CABIN1: variants seen among roughly 807,000 people sequenced by gnomAD.
CABIN1 encodes calcineurin binding protein 1.
In CABIN1, 133 loss-of-function variants were observed where a neutral mutation model predicts 227.7. The ratio of observed to expected loss-of-function variants is 0.58; its 90% CI spans 0.51 to 0.67. The LOEUF (loss-of-function observed/expected upper bound fraction) is 0.67. Among genes scored for constraint, CABIN1 ranks in the 30% least tolerant of loss-of-function variants. The pLI is 0.00. For synonymous variants in CABIN1, 1,086 were observed against 1,155.1 expected (o/e 0.94, Z 1.21); for missense variants, 2,408 against 2,852.5 (o/e 0.84, Z 3.55).
chr22:24,064,684 C>T (rs560238499), intron 15 of CABIN1, among the ~76,000 whole-genome samples: 1 of 151,666 alleles, frequency 6.6e-6, no homozygotes, highest in Non-Finnish European at 1.5e-5. Flanking sequence ...TGTTTGTGTC[C>T]CTGGGTACTT....
chr22:24,156,495 G>A (rs1362450059), intron 29 of CABIN1: 2 of 167,244 alleles, frequency 1.2e-5, no homozygotes, highest in Non-Finnish European at 2.6e-5. Context: ...CGTGCGCTGC[G>A]CGAAAGCGAA....
intron 33 of CABIN1, among the ~76,000 whole-genome samples, chr22:24,169,434 C>G (rs1331480798): frequency 1.3e-5 from 2 of 152,180 alleles, no homozygotes; most frequent in African/African-American, 2.4e-5. Context: ...AGGCCCCCAC[C>G]ACCTGCCTGG....
intron 33 of CABIN1, among the ~76,000 whole-genome samples, chr22:24,169,871 C>T (rs2046688246): frequency 6.6e-6 from 1 of 152,248 alleles, no homozygotes; most frequent in South Asian, 2.1e-4. Flanking sequence ...CAGGGCTGGG[C>T]CAGACCCCAT....
intron 16 of CABIN1, among the ~76,000 whole-genome samples, chr22:24,070,290 TG>T (rs2039994217): frequency 6.6e-6 from 1 of 152,234 alleles, no homozygotes; most frequent in African/African-American, 2.4e-5. Context: ...TCAGGGCACC[TG>T]GGGAGGAGGA....
chr22:24,157,329 G>A (rs1362015307), intron 29 of CABIN1, among the ~76,000 whole-genome samples: 1 of 152,174 alleles, frequency 6.6e-6, no homozygotes, highest in Non-Finnish European at 1.5e-5. Context: ...ACTCAGTCCT[G>A]CCTCTAAAGG....
At chr22:24,055,260 C>T in intron 9 of CABIN1, 101 bp downstream of exon 9, 1 of 1,333,140 alleles carries the variant, frequency 7.5e-7, no homozygotes, top group Non-Finnish European at 1.0e-6. Flanking sequence ...ACAGAAGGGT[C>T]ATGCTGATGC....
chr22:24,133,630 G>A (rs2044210261), intron 28 of CABIN1, among the ~76,000 whole-genome samples: 1 of 152,242 alleles, frequency 6.6e-6, no homozygotes, highest in Non-Finnish European at 1.5e-5. Flanking sequence ...TGGTCCTGAG[G>A]TGGAGTGAGA....
rs2046834938 is a variant in CABIN1, at chr22:24,171,907, A to G, written c.5952A>G (p.Ser1984=). The G allele has an allele frequency of 4.3e-6, 7 of 1,613,888 alleles. No individual in the cohort carries two copies. The highest frequency in any genetic ancestry group is 5.1e-6 in the Non-Finnish European group (6 of 1,180,042). Residue 1984 remains serine (S), a synonymous_variant, in exon 34 of 37, where the codon TCA becomes TCG. Transcript: ENST00000263119. ...TTATCACCTGCCCTCCGTCAGCATC[A>G]GCTTCCACCCTGGACCAGTCCAAGG... ...TTIITCPPSA[S]ASTLDQSKDP... is the part of the protein sequence containing the mutation.
intron 33 of CABIN1, chr22:24,170,122 T>C (rs749050209): frequency 3.7e-5 from 17 of 457,626 alleles, no homozygotes; most frequent in South Asian, 2.6e-4. Flanking sequence ...ACCTGCCTGC[T>C]TCCCAGACCC....
chr22:24,080,756 G>A (rs1213639770), intron 19 of CABIN1, among the ~76,000 whole-genome samples: 1 of 152,152 alleles, frequency 6.6e-6, no homozygotes, highest in Non-Finnish European at 1.5e-5. Context: ...TGAGCATGCA[G>A]GAGCACTAGT....
At position 24,070,983 on chromosome 22, in the gene CABIN1, A is replaced by G; in HGVS notation, c.2416A>G (p.Ile806Val). The G allele has an allele frequency of 6.2e-7, 1 of 1,614,230 alleles. No homozygotes were observed. The highest frequency in any genetic ancestry group is 1.7e-5 in the Admixed American group (1 of 60,032). ...CCTCTCTGCGGACAGCAGTGGTAGC[A>G]TCCTGAAGGTATCATCCTCCACCAC... ...QALSADSSGSILKVSSSTTGL... is the reference protein window; with the variant it reads ...QALSADSSGSVLKVSSSTTGL... Residue 806 changes from isoleucine to valine, a missense_variant, in exon 17 of 37, where the codon ATC becomes GTC. Around this residue, in one of 3 missense-constraint regions of CABIN1, gnomAD observed 1,045 missense variants for 1,168.4 expected, o/e 0.89. Coordinates refer to ENST00000263119, the MANE Select transcript of CABIN1 (RefSeq NM_012295.4).
At chr22:24,055,198 C>T (rs374409225) in intron 9 of CABIN1, 39 bp downstream of exon 9, 29 of 1,599,938 alleles carry the variant, frequency 1.8e-5, no homozygotes, top group East Asian at 1.8e-4. Flanking sequence ...GGGGAGACCC[C>T]GTTCACTGAG....
rs576178987 is a variant in CABIN1 at position 24,088,886 on chromosome 22, G to A, written c.3525+1173G>A. The stretch of plus-strand genomic sequence containing the variant: ...TTGAGTTCTATCCATGATAATTCCT[G>A]TGGATCTAGTACATTCCTTTTAACT... On this transcript the variant is annotated intron_variant, in intron 23 of 36. Coordinates refer to ENST00000263119, the MANE Select transcript of CABIN1 (RefSeq NM_012295.4). Among the ~76,000 whole-genome samples, 28 of 152,248 alleles carry A rather than the reference G, an allele frequency of 1.8e-4. No individual in the cohort carries two copies. The East Asian group carries it at 5.0e-3, about 27-fold the overall frequency.
intron 28 of CABIN1, 75 bp downstream of exon 28, chr22:24,119,773 G>C (rs960076042): frequency 7.4e-7 from 1 of 1,358,082 alleles, no homozygotes; most frequent in African/African-American, 1.4e-5. Context: ...GGTGGGCAGA[G>C]CTAAGACAGA....
chr22:24,137,765 A>G (rs776663038), intron 29 of CABIN1, among the ~76,000 whole-genome samples: 11 of 152,018 alleles, frequency 7.2e-5, no homozygotes, highest in African/African-American at 1.5e-4. Flanking sequence ...AAATGAGTCT[A>G]TCTGGCATAT....
rs754379961 is a variant in CABIN1 at position 24,177,555 on chromosome 22, C to A, written c.6257C>A (p.Ala2086Glu). The change falls in exon 36 of 37, where the codon GCG becomes GAG. Residue 2086 changes from alanine (A) to glutamate (E), a missense_variant. Around this residue, in one of 3 missense-constraint regions of CABIN1, gnomAD observed 714 missense variants for 773.8 expected, o/e 0.92. Transcript: ENST00000263119. This position sits in a 1 kb window ranked among gnomAD's most constrained non-coding sequence, Gnocchi z 4.4. ...PRRDGEAQEAASETQPLSSPP... is the reference protein window; with the variant it reads ...PRRDGEAQEAESETQPLSSPP... ...AGGGATGGGGAGGCTCAGGAGGCTG[C>A]GAGTGAGACTCAGCCCCTGAGCTCT... The A allele has an allele frequency of 1.3e-6, 2 of 1,579,792 alleles. No homozygotes were observed.
At position 24,105,992 on chromosome 22, in the gene CABIN1, G is replaced by A. The variant is rs139088647; in HGVS notation, c.4118-7574G>A. ...AGGGCCACAGGATCCCAAAGATCCT[G>A]TGGAGGAGGTAGGACTGGAGCCAGG... is the stretch of plus-strand genomic sequence containing the variant. On this transcript the variant is annotated intron_variant, in intron 26 of 36. Transcript: ENST00000263119. Among the ~76,000 whole-genome samples the A allele has an allele frequency of 2.7e-3, 411 of 152,338 alleles. 2 individuals are homozygous for A. The highest frequency in any genetic ancestry group is 4.7e-3 in the Non-Finnish European group (319 of 68,020).
chr22:24,138,738 A>T (rs571073493), intron 29 of CABIN1, among the ~76,000 whole-genome samples: 3 of 152,348 alleles, frequency 2.0e-5, no homozygotes, highest in South Asian at 4.1e-4. Flanking sequence ...GAAGCTCAGG[A>T]ACCTGTCCTC....
At chr22:24,018,267 T>A (rs1388570986) in intron 1 of CABIN1, among the ~76,000 whole-genome samples, 3 of 152,036 alleles carry the variant, frequency 2.0e-5, no homozygotes, top group African/African-American at 4.8e-5. Context: ...TTTTTCTGAG[T>A]TTTTAAATTT....
Sources: allele counts gnomAD v4.1 joint callset (sites outside exome capture counted in the v4.1 genomes callset), GRCh38; gene constraint gnomAD v4.1.1; regional missense constraint gnomAD v4.1.1; non-coding constraint Gnocchi (gnomAD v3.1); transcripts MANE v1.5; gene names NCBI Gene and HGNC (gene_info 2026-07-23, HGNC 2026-07-21).